The following PIP5K1B variants were observed in gnomAD, a reference collection of about 807,000 sequenced individuals.
The protein encoded by PIP5K1B is phosphatidylinositol 4-phosphate 5-kinase type-1 beta.
A neutral mutation model predicts 67.0 loss-of-function variants in PIP5K1B; 42 were observed. That is an observed-to-expected ratio of 0.63 (90% CI 0.49 to 0.81). The LOEUF is 0.81. Ranked by LOEUF, PIP5K1B falls within the 30% of genes least tolerant of loss-of-function variation. The probability of loss-of-function intolerance (pLI) is 0.00; values close to 1 mark genes in which losing one functional copy is unlikely to be tolerated. For synonymous variants in PIP5K1B, 214 were observed against 231.4 expected (o/e 0.92, Z 0.68); for missense variants, 459 against 646.3 (o/e 0.71, Z 3.14).
chr9:68,779,934 GC>G lies in PIP5K1B; in HGVS notation c.-86+37280del, dbSNP rs1161352257. 8.3e-6 allele frequency: 4 copies of G among 481,418 alleles called. No homozygotes were observed. In the East Asian group the frequency reaches 1.0e-4, roughly 12 times the overall value. The allele number at this position is 481,418 out of a possible 1,614,324, so 29.8% of individuals were successfully genotyped here. On this transcript the variant is annotated intron_variant, in intron 2 of 15. Coordinates refer to ENST00000265382, the MANE Select transcript of PIP5K1B (RefSeq NM_003558.4). ...TGCCGAAGGAATATACGGACTAGCGGCCCGACCACTCCTCGCCCCTCCCCTA... is the reference window on the plus strand; with the variant it reads ...TGCCGAAGGAATATACGGACTAGCGGCCGACCACTCCTCGCCCCTCCCCTA...
At chr9:68,769,144 T>C (rs1166771408) in intron 2 of PIP5K1B, among the ~76,000 whole-genome samples, 2 of 152,242 alleles carry the variant, frequency 1.3e-5, no homozygotes, top group Admixed American at 6.5e-5. Flanking sequence ...AAAAGAAGAT[T>C]GAGAGGCTAT....
rs191040911 is a variant in PIP5K1B at position 68,946,253 on chromosome 9, G to C, written c.1502+5463G>C. 2.6e-5 allele frequency among the ~76,000 whole-genome samples: 4 copies of C among 152,284 alleles called. No individual in the cohort carries two copies. The East Asian group carries it at 5.8e-4, about 22-fold the overall frequency. ...ATCTCAAGGGAAAGACAGCACAACT[G>C]TGTTACCTGCTGTGAACTTTGCAGC... On this transcript the variant is annotated intron_variant, in intron 14 of 15. Transcript: ENST00000265382.
At chr9:68,940,561 C>A in intron 13 of PIP5K1B, 85 bp from the exon 14 acceptor site, 1 of 1,278,608 alleles carries the variant, frequency 7.8e-7, no homozygotes, top group Non-Finnish European at 1.1e-6. Flanking sequence ...AAAATGAATG[C>A]TTTTGACTCA....
Position 68,921,634 on chromosome 9 carries a change from T to G in PIP5K1B, c.1117-1668T>G, listed in dbSNP as rs186031578. Among the ~76,000 whole-genome samples, 615 of 152,304 alleles carry G rather than the reference T, an allele frequency of 4.0e-3. 1 individual carries two copies. Among genetic ancestry groups the G allele is most frequent in the Non-Finnish European group, 6.6e-3 (447 of 68,040 alleles). On this transcript the variant is annotated intron_variant, in intron 11 of 15. Coordinates refer to ENST00000265382, the MANE Select transcript of PIP5K1B (RefSeq NM_003558.4). Reference sequence around the variant, plus strand: ...GGGAGACCAAAGCGGGCGGATCACTTGAGGTCAGGAGTTCGAGACCAGCCT... The same window carrying G: ...GGGAGACCAAAGCGGGCGGATCACTGGAGGTCAGGAGTTCGAGACCAGCCT...
At chr9:68,707,023 A>G (rs1425281493) in intron 1 of PIP5K1B, among the ~76,000 whole-genome samples, 5 of 152,194 alleles carry the variant, frequency 3.3e-5, no homozygotes, top group Admixed American at 2.0e-4. Context: ...GAGCATTCCC[A>G]GCTGAAAGGA....
chr9:68,952,138 G>A (rs1828109398), intron 14 of PIP5K1B, among the ~76,000 whole-genome samples: 1 of 152,104 alleles, frequency 6.6e-6, no homozygotes, highest in Non-Finnish European at 1.5e-5. Context: ...CTATGTTTCA[G>A]TTTCCTTTCC....
chr9:68,807,508 C>T (rs1039158690), intron 2 of PIP5K1B, among the ~76,000 whole-genome samples: 1 of 152,160 alleles, frequency 6.6e-6, no homozygotes, highest in South Asian at 2.1e-4. Flanking sequence ...AGGCACAGAG[C>T]CCCCAGACAC....
intron 14 of PIP5K1B, among the ~76,000 whole-genome samples, chr9:68,966,272 A>G (rs1829026841): frequency 1.3e-5 from 2 of 152,292 alleles, no homozygotes; most frequent in Admixed American, 6.5e-5. Flanking sequence ...ACAACACCCC[A>G]TCCCTTAAGC....
At chr9:68,836,014 G>GT (rs1019563656) in intron 4 of PIP5K1B, among the ~76,000 whole-genome samples, 3 of 152,108 alleles carry the variant, frequency 2.0e-5, no homozygotes, top group Admixed American at 6.5e-5. Flanking sequence ...GGACAATAGA[G>GT]TTTTTCTGGG....
At chr9:68,852,721 TCTC>T (rs1473820932) in intron 4 of PIP5K1B, among the ~76,000 whole-genome samples, 2 of 151,956 alleles carry the variant, frequency 1.3e-5, no homozygotes, top group Admixed American at 6.6e-5. Flanking sequence ...TTCTCTCACT[TCTC>T]CTATCAGCCA....
At chr9:68,726,930 A>T (rs1032236448) in intron 1 of PIP5K1B, among the ~76,000 whole-genome samples, 1 of 151,252 alleles carries the variant, frequency 6.6e-6, no homozygotes, top group Non-Finnish European at 1.5e-5. Flanking sequence ...TGCCATTCTT[A>T]TATGATTTTT....
intron 1 of PIP5K1B, among the ~76,000 whole-genome samples, chr9:68,718,061 G>A (rs1827713403): frequency 6.6e-6 from 1 of 152,180 alleles, no homozygotes; most frequent in Admixed American, 6.5e-5. Flanking sequence ...TCAGCCTAGA[G>A]GTGTGCATTT....
At chr9:68,833,473 T>A (rs567884033) in intron 4 of PIP5K1B, among the ~76,000 whole-genome samples, 1 of 152,284 alleles carries the variant, frequency 6.6e-6, no homozygotes, top group South Asian at 2.1e-4. Flanking sequence ...CGGTTCCCAA[T>A]GGGGGCAGAT....
At chr9:68,780,984 G>T in intron 2 of PIP5K1B, 2 of 1,614,146 alleles carry the variant, frequency 1.2e-6, no homozygotes. Flanking sequence ...ACCTGCCCAA[G>T]CGGCTTCTCC....
At chr9:68,751,058 G>A (rs937919592) in intron 2 of PIP5K1B, among the ~76,000 whole-genome samples, 4 of 152,176 alleles carry the variant, frequency 2.6e-5, no homozygotes, top group Non-Finnish European at 4.4e-5. Context: ...TTATAGAAAC[G>A]GTTCAGGGAT....
intron 5 of PIP5K1B, among the ~76,000 whole-genome samples, chr9:68,868,168 C>T (rs1232830963): frequency 2.6e-5 from 4 of 152,088 alleles, no homozygotes; most frequent in Non-Finnish European, 5.9e-5. Context: ...AAATCATGAT[C>T]ATATCTTAAT....
chr9:68,822,706 A>G (rs759700697), intron 4 of PIP5K1B, 23 bp downstream of exon 4: 4 of 1,527,534 alleles, frequency 2.6e-6, no homozygotes, highest in Non-Finnish European at 3.6e-6. Context: ...TTTATTTTCT[A>G]AAGAGGAACA....
chr9:68,794,671 T>C (rs765770206), intron 2 of PIP5K1B, among the ~76,000 whole-genome samples: 6 of 151,160 alleles, frequency 4.0e-5, no homozygotes, highest in Non-Finnish European at 7.4e-5. Context: ...CAGAGACATT[T>C]TTCTCTTCAG....
intron 1 of PIP5K1B, among the ~76,000 whole-genome samples, chr9:68,719,580 C>T (rs1827787989): frequency 6.6e-6 from 1 of 152,038 alleles, no homozygotes; most frequent in South Asian, 2.1e-4. Flanking sequence ...AAATGATGCC[C>T]TTTTATTTTT....
Sources: gnomAD v4.1 joint callset for allele counts (sites outside exome capture counted in the v4.1 genomes callset) on GRCh38, gnomAD v4.1.1 for gene constraint, MANE v1.5 for transcripts, NCBI Gene and HGNC (gene_info 2026-07-23, HGNC 2026-07-21) for gene names.